The following CHLSN variants were observed in gnomAD, a reference collection of about 807,000 sequenced individuals.
The protein encoded by CHLSN is cholesin.
At chr7:1,075,163 G>A in the CHLSN span, among the ~76,000 whole-genome samples, 1 of 152,178 alleles carries the variant, frequency 6.6e-6, no homozygotes, top group African/African-American at 2.4e-5. Context: ...ACCAAACACG[G>A]GAGGGGTGTG....
chr7:1,079,589 A>T, the CHLSN span, among the ~76,000 whole-genome samples: 1 of 152,238 alleles, frequency 6.6e-6, no homozygotes, highest in African/African-American at 2.4e-5. Flanking sequence ...CAGCGTGCTG[A>T]GGGAATCTGC....
the CHLSN span, among the ~76,000 whole-genome samples, chr7:1,094,555 C>T: frequency 2.0e-5 from 3 of 152,170 alleles, no homozygotes; most frequent in Non-Finnish European, 4.4e-5. Flanking sequence ...GAAGACTGAA[C>T]GCAGCCATGT....
At chr7:1,007,241 C>T in the CHLSN span, among the ~76,000 whole-genome samples, 15 of 152,350 alleles carry the variant, frequency 9.8e-5, no homozygotes, top group African/African-American at 3.6e-4. Context: ...CCAGGAGGAA[C>T]CCCTCGTGGA....
chr7:1,058,749 G>A, the CHLSN span: 652 of 561,310 alleles, frequency 1.2e-3, 1 homozygote, highest in Middle Eastern at 2.4e-3. Context: ...TCCCAAACAC[G>A]CAGCTCAAGG....
chr7:1,014,368 G>A, the CHLSN span, among the ~76,000 whole-genome samples: 3 of 152,206 alleles, frequency 2.0e-5, no homozygotes, highest in Non-Finnish European at 2.9e-5. Flanking sequence ...ACACTAATTT[G>A]ATTTTAAAAG....
At chr7:993,817 G>A in the CHLSN span, among the ~76,000 whole-genome samples, 3 of 152,194 alleles carry the variant, frequency 2.0e-5, no homozygotes, top group African/African-American at 7.2e-5. Context: ...AGGGAGGACA[G>A]TGCTCTGAGG....
At chr7:1,100,231 T>C in the CHLSN span, among the ~76,000 whole-genome samples, 1 of 152,200 alleles carries the variant, frequency 6.6e-6, no homozygotes, top group Non-Finnish European at 1.5e-5. Flanking sequence ...TGGAGCCCCA[T>C]GTCTCGTTTG....
At chr7:998,504 A>T in the CHLSN span, among the ~76,000 whole-genome samples, 1 of 121,798 alleles carries the variant, frequency 8.2e-6, no homozygotes, top group South Asian at 2.5e-4. Context: ...TCTGTTGTCC[A>T]GGCTGCAGTG....
the CHLSN span, among the ~76,000 whole-genome samples, chr7:1,046,412 G>T: frequency 1.3e-4 from 20 of 152,284 alleles, no homozygotes; most frequent in African/African-American, 4.8e-4. Context: ...CCTCCTGCCT[G>T]CCAGCTCCTC....
the CHLSN span, among the ~76,000 whole-genome samples, chr7:1,107,590 AG>A: frequency 6.6e-6 from 1 of 152,272 alleles, no homozygotes; most frequent in South Asian, 2.1e-4. Flanking sequence ...TCAACAAGAC[AG>A]AACTACTGGA....
chr7:1,095,622 G>C, the CHLSN span, among the ~76,000 whole-genome samples: 1 of 152,226 alleles, frequency 6.6e-6, no homozygotes, highest in Non-Finnish European at 1.5e-5. Flanking sequence ...GACGTGGGGA[G>C]ACCCACACGG....
the CHLSN span, among the ~76,000 whole-genome samples, chr7:1,019,115 C>A: frequency 6.7e-6 from 1 of 148,870 alleles, no homozygotes; most frequent in Non-Finnish European, 1.5e-5. Context: ...CTGCTTGAAC[C>A]CGCGGGGGGC....
the CHLSN span, among the ~76,000 whole-genome samples, chr7:978,091 G>A: frequency 3.9e-5 from 6 of 152,308 alleles, no homozygotes; most frequent in East Asian, 3.9e-4. Flanking sequence ...TGGGAGCCCC[G>A]AGGGACCTGT....
the CHLSN span, among the ~76,000 whole-genome samples, chr7:1,119,567 C>T: frequency 6.6e-6 from 1 of 152,042 alleles, no homozygotes; most frequent in Non-Finnish European, 1.5e-5. Flanking sequence ...ACAGTGCTGG[C>T]GAGGACATGG....
chr7:991,623 A>G, the CHLSN span, among the ~76,000 whole-genome samples: 3 of 152,218 alleles, frequency 2.0e-5, no homozygotes, highest in Non-Finnish European at 4.4e-5. Flanking sequence ...TTGCTGGGAA[A>G]TGCCGGGGCT....
chr7:1,072,412 C>T, the CHLSN span, among the ~76,000 whole-genome samples: 14 of 152,228 alleles, frequency 9.2e-5, no homozygotes, highest in African/African-American at 2.9e-4. Context: ...CACGGGACCA[C>T]GACTGCTCCT....
the CHLSN span, chr7:983,296 G>A: frequency 1.3e-6 from 2 of 1,542,920 alleles, no homozygotes; most frequent in Non-Finnish European, 1.7e-6. Flanking sequence ...CTCCCCAGCT[G>A]CCCGGTGGCC....
At chr7:1,134,340 G>C in the CHLSN span, among the ~76,000 whole-genome samples, 2 of 152,084 alleles carry the variant, frequency 1.3e-5, no homozygotes, top group Admixed American at 6.6e-5. Context: ...TTGGGAGGCC[G>C]AGGTGGGCAG....
the CHLSN span, among the ~76,000 whole-genome samples, chr7:1,030,749 T>A: frequency 7.9e-6 from 1 of 126,358 alleles, no homozygotes; most frequent in East Asian, 2.1e-4. Context: ...TCTCTCTCTC[T>A]CCCGGGGCAC....
Sources: gnomAD v4.1 joint callset for allele counts (sites outside exome capture counted in the v4.1 genomes callset) on GRCh38, gnomAD v4.1.1 for gene constraint, MANE v1.5 for transcripts, NCBI Gene and HGNC (gene_info 2026-07-23, HGNC 2026-07-21) for gene names.